GLTP: variants seen among roughly 807,000 people sequenced by gnomAD.
GLTP encodes the protein glycolipid transfer protein.
A neutral mutation model predicts 24.0 loss-of-function variants in GLTP; 22 were observed. The observed-to-expected ratio is 0.92, with a 90% confidence interval of 0.65 to 1.31. The LOEUF (loss-of-function observed/expected upper bound fraction) is 1.31, where lower values mean the gene tolerates loss of function less well. GLTP is among the 50% of genes most tolerant of loss of function. The pLI is 0.00. For synonymous variants in GLTP, 92 were observed against 115.9 expected, an observed-to-expected ratio of 0.79 and a Z score of 1.33; for missense variants, 224 against 276.6, an observed-to-expected ratio of 0.81 and a Z score of 1.35.
chr12:109,857,738 C>G lies in GLTP; in HGVS notation c.163-79G>C. ...TGGCCCGCACGCTGGGTGAAAAGCA[C>G]CCTACCGGCATCTCCTGCTCCTTCC... On this transcript the variant is annotated intron_variant, in intron 2 of 4. Coordinates refer to ENST00000318348, the MANE Select transcript of GLTP (RefSeq NM_016433.4). The surrounding 1 kb of genome is among the most constrained non-coding windows in gnomAD (Gnocchi z 4.3). The G allele has an allele frequency of 6.9e-7, 1 of 1,453,478 alleles. No homozygotes were observed. Among genetic ancestry groups the G allele is most frequent in the South Asian group, 1.1e-5 (1 of 87,772 alleles). The allele number at this position is 1,453,478 out of a possible 1,614,324, so 90.0% of individuals were successfully genotyped here.
chr12:109,877,620 T>G (rs1331260434), intron 1 of GLTP, among the ~76,000 whole-genome samples: 1 of 152,136 alleles, frequency 6.6e-6, no homozygotes, highest in Non-Finnish European at 1.5e-5. Flanking sequence ...TGTTGGCAAG[T>G]GCCATGGTGG....
At chr12:109,878,315 C>T (rs1868949082) in intron 1 of GLTP, among the ~76,000 whole-genome samples, 1 of 152,210 alleles carries the variant, frequency 6.6e-6, no homozygotes, top group Non-Finnish European at 1.5e-5. Context: ...ATTTCTCCAC[C>T]TTTGACACTG....
chr12:109,878,867 C>T (rs918206243), intron 1 of GLTP, among the ~76,000 whole-genome samples: 3 of 152,208 alleles, frequency 2.0e-5, no homozygotes, highest in Non-Finnish European at 4.4e-5. Context: ...GGGAATCATA[C>T]ACACCAGACA....
chr12:109,852,722 C>T lies in GLTP; in HGVS notation c.463G>A (p.Ala155Thr). 6.2e-7 allele frequency: 1 copy of T among 1,611,404 alleles called. No homozygotes were observed. Among genetic ancestry groups the T allele is most frequent in the Non-Finnish European group, 8.5e-7 (1 of 1,177,706 alleles). The change falls in exon 5 of 5, where the codon GCA (alanine) becomes ACA (threonine). Residue 155 changes from alanine (A) to threonine (T), a missense_variant. By Grantham distance (58) the Ala-to-Thr change is moderately conservative. Coordinates refer to ENST00000318348, the MANE Select transcript of GLTP (RefSeq NM_016433.4). The stretch of plus-strand genomic sequence containing the variant: ...TTCAGGAAGTCAGACTTATAGGGTG[C>T]TGCGTACAGTGCTGCCTTGAGACAG... ...QKIFQAALYA[A>T]PYKSDFLKAL... is the part of the protein sequence containing the mutation.
intron 1 of GLTP, among the ~76,000 whole-genome samples, chr12:109,869,303 C>CAAAAAAA (rs140914540): frequency 1.8e-4 from 9 of 48,910 alleles, no homozygotes; most frequent in African/African-American, 2.8e-4. Flanking sequence ...GGCTCTACCT[C>CAAAAAAA]AAAAAAAAAA....
chr12:109,854,584 T>C (rs1271916684), intron 4 of GLTP, among the ~76,000 whole-genome samples: 1 of 152,196 alleles, frequency 6.6e-6, no homozygotes, highest in East Asian at 1.9e-4. Flanking sequence ...TGAGCGTCAC[T>C]GTCCTCATCT....
intron 1 of GLTP, among the ~76,000 whole-genome samples, chr12:109,878,919 A>C (rs1421627907): frequency 6.6e-6 from 1 of 152,172 alleles, no homozygotes; most frequent in African/African-American, 2.4e-5. Context: ...CTAGCAAGGA[A>C]CCAAAACTGG....
chr12:109,861,567 G>A (rs769165230), intron 1 of GLTP, among the ~76,000 whole-genome samples: 4 of 152,156 alleles, frequency 2.6e-5, no homozygotes, highest in Non-Finnish European at 4.4e-5. Flanking sequence ...GGCCAACATG[G>A]TGAAACCTTA....
Position 109,880,407 on chromosome 12 carries a change from C to G in GLTP, c.-33G>C. 9.4e-7 allele frequency: 1 copy of G among 1,060,258 alleles called. No homozygotes were observed. The allele number at this position is 1,060,258 out of a possible 1,614,324, so 65.7% of individuals were successfully genotyped here. ...TCGAGGCCCGCGGTGATGCCCCAGCCGGCGCCGCGGGCGTCGACACCGCCC... is the reference window on the plus strand; with the variant it reads ...TCGAGGCCCGCGGTGATGCCCCAGCGGGCGCCGCGGGCGTCGACACCGCCC... On this transcript the variant is annotated 5_prime_UTR_variant, in exon 1 of 5. Coordinates refer to ENST00000318348, the MANE Select transcript of GLTP (RefSeq NM_016433.4). This position sits in a 1 kb window ranked among gnomAD's most constrained non-coding sequence, Gnocchi z 5.1.
Position 109,858,740 on chromosome 12 carries a change from A to G in GLTP, c.105T>C (p.Asp35=), listed in dbSNP as rs531425150. The change falls in exon 2 of 5, where the codon GAT becomes GAC. Residue 35 remains aspartate, a splice_region_variant and synonymous_variant. Coordinates refer to ENST00000318348, the MANE Select transcript of GLTP (RefSeq NM_016433.4). The part of the protein sequence containing the change: ...EAVSHLPPFF[D]CLGSPVFTPI... ...GAGTAAACACTGGGGACCCAAGGCA[A>G]TCTGGGGACAAAATGAGAAGACAGA... 1.0e-4 allele frequency: 166 copies of G among 1,605,278 alleles called. 1 individual carries two copies. The South Asian group carries it at 1.3e-3, about 13-fold the overall frequency.
Position 109,852,401 on chromosome 12 carries a change from A to C in GLTP, c.*154T>G, listed in dbSNP as rs1165764992. On this transcript the variant is annotated 3_prime_UTR_variant, in exon 5 of 5. Transcript: ENST00000318348. The stretch of plus-strand genomic sequence containing the variant: ...AAAAAAAAAAAAAAAAGACTTAAAA[A>C]ACGAGGGCTGTCCCCTGCAGACTCT... 1 of 532,592 alleles carries C rather than the reference A, an allele frequency of 1.9e-6. No homozygotes were observed. The highest frequency in any genetic ancestry group is 3.3e-6 in the Non-Finnish European group (1 of 299,716). 33.0% of individuals were successfully genotyped at this position (532,592 alleles called of 1,614,324 possible).
intron 1 of GLTP, among the ~76,000 whole-genome samples, chr12:109,871,779 A>G (rs145272171): frequency 5.9e-5 from 9 of 152,378 alleles, no homozygotes; most frequent in African/African-American, 2.2e-4. Context: ...TATATTTTAT[A>G]AAGCCCTTTG....
chr12:109,857,754 T>C lies in GLTP; in HGVS notation c.163-95A>G. On this transcript the variant is annotated intron_variant, in intron 2 of 4. Transcript: ENST00000318348. This position sits in a 1 kb window ranked among gnomAD's most constrained non-coding sequence, Gnocchi z 4.3. Reference sequence around the variant, plus strand: ...TGAAAAGCACCCTACCGGCATCTCCTGCTCCTTCCTGCCCTCCAGGAACAG... The same window carrying C: ...TGAAAAGCACCCTACCGGCATCTCCCGCTCCTTCCTGCCCTCCAGGAACAG... The C allele has an allele frequency of 8.5e-7, 1 of 1,173,376 alleles. No individual in the cohort carries two copies. The highest frequency in any genetic ancestry group is 1.3e-6 in the Non-Finnish European group (1 of 780,428). The allele number at this position is 1,173,376 out of a possible 1,614,324, so 72.7% of individuals were successfully genotyped here.
At position 109,851,352 on chromosome 12, in the gene GLTP, A is replaced by AAACAAC. The variant is rs200961319; in HGVS notation, c.*1197_*1202dup. On this transcript the variant is annotated 3_prime_UTR_variant, in exon 5 of 5. Coordinates refer to ENST00000318348, the MANE Select transcript of GLTP (RefSeq NM_016433.4). ...GGCTTGCTGGTTGGTTTCAGCTGTA[A>AAACAAC]AACAACAACAACAACAACAAAAAAC... 1.3e-5 allele frequency: 2 copies of AAACAAC among 152,084 alleles called. No individual in the cohort carries two copies. The highest frequency in any genetic ancestry group is 1.5e-5 in the Non-Finnish European group (1 of 68,022). 9.4% of individuals were successfully genotyped at this position (152,084 alleles called of 1,614,324 possible).
rs1868443312 is a variant in GLTP at position 109,863,974 on chromosome 12, G to A, written c.104-5233C>T. 1.3e-5 allele frequency among the ~76,000 whole-genome samples: 2 copies of A among 152,230 alleles called. 1 individual carries two copies. Among genetic ancestry groups the A allele is most frequent in the South Asian group, 4.1e-4 (2 of 4,832 alleles). On this transcript the variant is annotated intron_variant, in intron 1 of 4. Transcript: ENST00000318348. ...TGCAGTTCTGAGCAGCCCTGCCCTGGTGGCAGGGAGAAAGGCTTTTTGTTT... is the reference window on the plus strand; with the variant it reads ...TGCAGTTCTGAGCAGCCCTGCCCTGATGGCAGGGAGAAAGGCTTTTTGTTT...
chr12:109,879,520 C>A (rs1013595529), intron 1 of GLTP, among the ~76,000 whole-genome samples: 3 of 152,126 alleles, frequency 2.0e-5, no homozygotes, highest in African/African-American at 7.2e-5. Flanking sequence ...TCTCGTAGAG[C>A]CCAAACTGAG....
rs1868906030 is a variant in GLTP, at chr12:109,877,029, CT to C, written c.103+3242del. Reference sequence around the variant, plus strand: ...CTCAACACCCAGCTAATTTTCTGTACTTTTGGTAGAGACAGGGTTTCGCCAT... The same window carrying C: ...CTCAACACCCAGCTAATTTTCTGTACTTTGGTAGAGACAGGGTTTCGCCAT... On this transcript the variant is annotated intron_variant, in intron 1 of 4. Transcript: ENST00000318348. Among the ~76,000 whole-genome samples the C allele has an allele frequency of 2.0e-5, 3 of 152,238 alleles. No homozygotes were observed. In the South Asian group the frequency reaches 6.2e-4, roughly 32 times the overall value.
At chr12:109,866,142 A>G (rs1868520898) in intron 1 of GLTP, 1 of 152,184 alleles carries the variant, frequency 6.6e-6, no homozygotes, top group African/African-American at 2.4e-5. Flanking sequence ...GCAATTCACA[A>G]TAGAAATGAA....
chr12:109,854,795 T>C (rs1026022474), intron 4 of GLTP, among the ~76,000 whole-genome samples: 4 of 152,150 alleles, frequency 2.6e-5, no homozygotes, highest in Admixed American at 2.6e-4. Flanking sequence ...CCGGGGTGGA[T>C]GGCCCAGGGG....
Sources: gnomAD v4.1 joint callset for allele counts (sites outside exome capture counted in the v4.1 genomes callset) on GRCh38, gnomAD v4.1.1 for gene constraint, Gnocchi (gnomAD v3.1) non-coding constraint, MANE v1.5 for transcripts, NCBI Gene and HGNC (gene_info 2026-07-23, HGNC 2026-07-21) for gene names.